The following DNAH10 variants were observed in gnomAD, a reference collection of about 807,000 sequenced individuals.
DNAH10 encodes the protein dynein axonemal heavy chain 10.
DNAH10 carries 348 observed loss-of-function variants against 506.6 expected under a neutral mutation model. The observed-to-expected ratio is 0.69, with a 90% CI of 0.63 to 0.75. The LOEUF is 0.75. Ranked by LOEUF, DNAH10 falls within the 30% of genes least tolerant of loss-of-function variation. The pLI is 0.00. For synonymous variants in DNAH10, 2,059 were observed against 2,198.6 expected (o/e 0.94, Z 1.78); for missense variants, 5,179 against 5,787.1 (o/e 0.89, Z 3.41).
In DNAH10 at chr12:123,907,494, A is replaced by G. The variant is rs1953838123; in HGVS notation, c.9816-1767A>G. On this transcript the variant is annotated intron_variant, in intron 57 of 78. Coordinates refer to ENST00000673944, the MANE Select transcript of DNAH10 (RefSeq NM_001372106.1). The surrounding 1 kb of genome is among the most constrained non-coding windows in gnomAD (Gnocchi z 4.4). ...ACCTTGGTCATCCGGCATTGTGGAA[A>G]GTGGTATGTTCTGGATAAGTGAGAT... Among the ~76,000 whole-genome samples, 1 of 152,176 alleles carries G rather than the reference A, an allele frequency of 6.6e-6. No individual in the cohort carries two copies. Among genetic ancestry groups the G allele is most frequent in the African/African-American group, 2.4e-5 (1 of 41,428 alleles).
At chr12:123,789,767 G>A (rs1021055074) in intron 10 of DNAH10, among the ~76,000 whole-genome samples, 160 bp from the exon 11 acceptor site, 1 of 152,144 alleles carries the variant, frequency 6.6e-6, no homozygotes, top group African/African-American at 2.4e-5. Context: ...CTTATCCTAT[G>A]TGCCTTGGGC....
chr12:123,930,340 C>T, intron 72 of DNAH10, 62 bp from the exon 73 acceptor site: 1 of 1,417,746 alleles, frequency 7.1e-7, no homozygotes, highest in Non-Finnish European at 9.2e-7. Context: ...TGGCCCCGGG[C>T]CCCCAGGGTG....
rs1483347503 is a variant in DNAH10 at position 123,928,797 on chromosome 12, C to G, written c.12306+210C>G. On this transcript the variant is annotated intron_variant, in intron 70 of 78. Coordinates refer to ENST00000673944, the MANE Select transcript of DNAH10 (RefSeq NM_001372106.1). This position sits in a 1 kb window ranked among gnomAD's most constrained non-coding sequence, Gnocchi z 4.9. ...GGGTGTTTGTGACTCCCAGGCCTAT[C>G]TCTACCAATTCTGCATGTGTCCCTA... The G allele has an allele frequency of 1.6e-6, 1 of 607,108 alleles. No homozygotes were observed. The highest frequency in any genetic ancestry group is 2.9e-6 in the Non-Finnish European group (1 of 347,712). 37.6% of individuals were successfully genotyped at this position (607,108 alleles called of 1,614,324 possible).
chr12:123,798,386 G>A (rs893463019), intron 13 of DNAH10, among the ~76,000 whole-genome samples: 30 of 152,254 alleles, frequency 2.0e-4, no homozygotes, highest in African/African-American at 6.8e-4. Flanking sequence ...GTGGGAGCAG[G>A]AGCAAGAGAG....
At chr12:123,880,010 C>T (rs185363961) in intron 50 of DNAH10, among the ~76,000 whole-genome samples, 13 of 152,314 alleles carry the variant, frequency 8.5e-5, no homozygotes, top group East Asian at 5.8e-4. Context: ...GGGGCCACCC[C>T]GTGAGATTTG....
intron 52 of DNAH10, 112 bp downstream of exon 52, chr12:123,887,425 G>A (rs974508373): frequency 2.0e-5 from 25 of 1,280,612 alleles, no homozygotes; most frequent in Non-Finnish European, 2.1e-6. Flanking sequence ...CTGTGCGGGT[G>A]TACCTGTTCC....
At chr12:123,921,702 T>G (rs1015254486) in intron 65 of DNAH10, among the ~76,000 whole-genome samples, 15 of 16,108 alleles carry the variant, frequency 9.3e-4, no homozygotes, top group South Asian at 2.3e-3. Context: ...TTTTTTTTTT[T>G]TTTTTTTTTT....
chr12:123,844,323 G>C (rs895145310), intron 30 of DNAH10, among the ~76,000 whole-genome samples: 1 of 152,130 alleles, frequency 6.6e-6, no homozygotes, highest in African/African-American at 2.4e-5. Context: ...CGTGGGTGGG[G>C]ACACAGAGCC....
Position 123,877,042 on chromosome 12 carries a change from G to A in DNAH10, c.8200-694G>A, listed in dbSNP as rs190072916. On this transcript the variant is annotated intron_variant, in intron 47 of 78. Coordinates refer to ENST00000673944, the MANE Select transcript of DNAH10 (RefSeq NM_001372106.1). Reference sequence around the variant, plus strand: ...CAGTGGCACTTAGTCCATTCACAGCGTTGTGCAACCATCAGCAACGTCTAA... The same window carrying A: ...CAGTGGCACTTAGTCCATTCACAGCATTGTGCAACCATCAGCAACGTCTAA... Among the ~76,000 whole-genome samples the A allele has an allele frequency of 2.2e-4, 34 of 152,260 alleles. No homozygotes were observed. The East Asian group carries it at 6.2e-3, about 28-fold the overall frequency.
chr12:123,838,702 G>A lies in DNAH10; in HGVS notation c.5136+13G>A. On this transcript the variant is annotated intron_variant, in intron 29 of 78. Coordinates refer to ENST00000673944, the MANE Select transcript of DNAH10 (RefSeq NM_001372106.1). ...GCACATGATCAAGGTCAGCCCTCTG[G>A]GTGTGCAGGGGCTCCCCGTGTAAGC... 1 of 1,609,396 alleles carries A rather than the reference G, an allele frequency of 6.2e-7. No individual in the cohort carries two copies.
Position 123,919,021 on chromosome 12 carries a change from A to G in DNAH10, c.11506+72A>G. The G allele has an allele frequency of 1.4e-6, 2 of 1,440,058 alleles. No individual in the cohort carries two copies. The highest frequency in any genetic ancestry group is 1.8e-6 in the Non-Finnish European group (2 of 1,088,418). 89.2% of individuals were successfully genotyped at this position (1,440,058 alleles called of 1,614,324 possible). ...CCAGACGTGGCTTTAAGGAAACGTG[A>G]TCTGTGAAAATGGAAAGTTACCAAA... is the stretch of plus-strand genomic sequence containing the variant. On this transcript the variant is annotated intron_variant, in intron 65 of 78. Transcript: ENST00000673944. The surrounding 1 kb of genome is among the most constrained non-coding windows in gnomAD (Gnocchi z 4.9).
At position 123,929,429 on chromosome 12, in the gene DNAH10, A is replaced by T; in HGVS notation, c.12461A>T (p.Lys4154Met). 6.2e-7 allele frequency: 1 copy of T among 1,613,754 alleles called. No individual in the cohort carries two copies. The highest frequency in any genetic ancestry group is 8.5e-7 in the Non-Finnish European group (1 of 1,179,844). Residue 4154 changes from lysine to methionine, a missense_variant, in exon 71 of 79, where the codon AAG becomes ATG. Transcript: ENST00000673944. ...FFHAVVQERRKFGKIGWNVYY... is the reference protein window; with the variant it reads ...FFHAVVQERRMFGKIGWNVYY... Reference sequence around the variant, plus strand: ...CATGCTGTGGTGCAGGAGAGAAGGAAGTTTGGGAAGATTGGCTGGAACGTG... The same window carrying T: ...CATGCTGTGGTGCAGGAGAGAAGGATGTTTGGGAAGATTGGCTGGAACGTG...
intron 57 of DNAH10, chr12:123,908,516 C>T: frequency 2.2e-6 from 1 of 456,146 alleles, no homozygotes; most frequent in South Asian, 1.5e-5. Context: ...TGGGAGACTC[C>T]TGTGGCTTTC....
At chr12:123,899,499 G>A (rs754774444) in intron 56 of DNAH10, among the ~76,000 whole-genome samples, 2 of 152,142 alleles carry the variant, frequency 1.3e-5, no homozygotes, top group Admixed American at 6.5e-5. Context: ...TCTCGGTTCA[G>A]TTCCTTTGTC....
In DNAH10 at chr12:123,935,452, G is replaced by A. The variant is rs1392367663; in HGVS notation, c.13741G>A (p.Gly4581Arg). The A allele has an allele frequency of 3.1e-6, 5 of 1,600,200 alleles. No individual in the cohort carries two copies. The highest frequency in any genetic ancestry group is 1.3e-5 in the African/African-American group (1 of 74,828). The stretch of plus-strand genomic sequence containing the variant: ...GCACATTTCTCACTGGGTGCTGCAA[G>A]GAGTATGCCTCACCCTGAATTCTGA... ...TRHISHWVLQ[G>R]VCLTLNSD Residue 4581 changes from glycine (G) to arginine (R), a missense_variant, in exon 79 of 79, where the codon GGA (glycine) becomes AGA (arginine). By Grantham distance (125) the Gly-to-Arg change is moderately radical. This residue lies in a region of DNAH10 where 4,844 missense variants were observed against 5,430.5 expected (regional missense o/e 0.89). Coordinates refer to ENST00000673944, the MANE Select transcript of DNAH10 (RefSeq NM_001372106.1).
Position 123,800,321 on chromosome 12 carries a change from G to A in DNAH10, c.2395G>A (p.Glu799Lys). ...REIINETKYL[E>K]QLGFTVPELA... is the part of the protein sequence containing the mutation. ...GATTATTAATGAAACAAAGTACTTA[G>A]AGCAGCTGGGGTTCACTGTCCCTGA... The change falls in exon 15 of 79, where the codon GAG (glutamate) becomes AAG (lysine). Residue 799 changes from glutamate (E) to lysine (K), a missense_variant. Glu to Lys is a moderately conservative substitution (Grantham distance 56, BLOSUM62 1). Coordinates refer to ENST00000673944, the MANE Select transcript of DNAH10 (RefSeq NM_001372106.1). 1 of 1,614,160 alleles carries A rather than the reference G, an allele frequency of 6.2e-7. No homozygotes were observed. Among genetic ancestry groups the A allele is most frequent in the Non-Finnish European group, 8.5e-7 (1 of 1,180,030 alleles).
At chr12:123,771,376 G>A (rs1254049018) in intron 2 of DNAH10, among the ~76,000 whole-genome samples, 1 of 152,148 alleles carries the variant, frequency 6.6e-6, no homozygotes, top group Non-Finnish European at 1.5e-5. Context: ...ACACAAACAT[G>A]TAAAATTTCT....
chr12:123,875,603 T>C, intron 47 of DNAH10, 112 bp downstream of exon 47: 2 of 1,267,344 alleles, frequency 1.6e-6, no homozygotes, highest in Non-Finnish European at 1.1e-6. Context: ...CTCAATACTT[T>C]TAAGGGCCTA....
At position 123,772,957 on chromosome 12, in the gene DNAH10, C is replaced by T. The variant is rs115983698; in HGVS notation, c.505+15C>T. The T allele has an allele frequency of 2.6e-3, 4,173 of 1,579,332 alleles. 85 individuals carry two copies. The African/African-American group carries it at 0.048, about 18-fold the overall frequency. ...AAATACCAAAGGTACATTTCTGGCA[C>T]GTGTGTGTGTATGTGTGTTGAGGGG... On this transcript the variant is annotated intron_variant, in intron 4 of 78. Transcript: ENST00000673944.
Sources: allele counts gnomAD v4.1 joint callset (sites outside exome capture counted in the v4.1 genomes callset), GRCh38; gene constraint gnomAD v4.1.1; regional missense constraint gnomAD v4.1.1; non-coding constraint Gnocchi (gnomAD v3.1); transcripts MANE v1.5; gene names NCBI Gene and HGNC (gene_info 2026-07-23, HGNC 2026-07-21).